The following ZNF462 variants were observed in gnomAD, a reference collection of about 807,000 sequenced individuals.
ZNF462 encodes the protein zinc finger protein 462.
In ZNF462, 10 loss-of-function variants were observed where a neutral mutation model predicts 201.9. The observed-to-expected ratio is 0.05, with a 90% CI of 0.03 to 0.08. The LOEUF is 0.08. ZNF462 is among the 10% of genes least tolerant of loss of function. The pLI, the probability that ZNF462 is intolerant of heterozygous loss-of-function variation, is 1.00. For synonymous variants in ZNF462, 1,227 were observed against 1,193.3 expected, an observed-to-expected ratio of 1.03 and a Z score of -0.58; for missense variants, 2,523 against 3,168.3, an observed-to-expected ratio of 0.80 and a Z score of 4.89.
chr9:106,863,384 G>GGGGTGGTCC, intron 1 of ZNF462, 29 bp downstream of exon 1: 2 of 394,284 alleles, frequency 5.1e-6, no homozygotes. Context: ...CAACCACCTC[G>GGGGTGGTCC]GGGTGGTCCG....
Position 106,927,467 on chromosome 9 carries a change from C to T in ZNF462, c.3555C>T (p.Gly1185=). The change falls in exon 3 of 13, where the codon GGC becomes GGT. Residue 1185 remains glycine (G), a synonymous_variant. Coordinates refer to ENST00000277225, the MANE Select transcript of ZNF462 (RefSeq NM_021224.6). Reference sequence around the variant, plus strand: ...ACCGAAGCAGCTCTGAGAGAGATGGCCCTCCTGTGGAGAATGAGATGTTCT... The same window carrying T: ...ACCGAAGCAGCTCTGAGAGAGATGGTCCTCCTGTGGAGAATGAGATGTTCT... ...QLNRSSSERD[G]PPVENEMFFC... is the part of the protein sequence containing the mutation. The T allele has an allele frequency of 1.2e-6, 2 of 1,613,860 alleles. No individual in the cohort carries two copies. The highest frequency in any genetic ancestry group is 1.7e-6 in the Non-Finnish European group (2 of 1,179,974).
chr9:106,917,738 C>T lies in ZNF462; in HGVS notation c.-30-5616C>T, dbSNP rs1176317142. Reference sequence around the variant, plus strand: ...AAACATTTGATAGGTCATTTGAAGACTACATGGTGAGCCAGAATCTGTAGT... The same window carrying T: ...AAACATTTGATAGGTCATTTGAAGATTACATGGTGAGCCAGAATCTGTAGT... On this transcript the variant is annotated intron_variant, in intron 1 of 12. Transcript: ENST00000277225. This position sits in a 1 kb window ranked among gnomAD's most constrained non-coding sequence, Gnocchi z 4.5. Among the ~76,000 whole-genome samples the T allele has an allele frequency of 2.0e-5, 3 of 152,110 alleles. No individual in the cohort carries two copies. The highest frequency in any genetic ancestry group is 2.9e-5 in the Non-Finnish European group (2 of 68,030).
intron 10 of ZNF462, among the ~76,000 whole-genome samples, chr9:106,991,096 A>G (rs1828240573): frequency 6.6e-6 from 1 of 152,020 alleles, no homozygotes. Flanking sequence ...AAGGCATGAG[A>G]ATTGGAAAGG....
At chr9:106,969,166 T>C (rs913779638) in intron 7 of ZNF462, among the ~76,000 whole-genome samples, 2 of 152,172 alleles carry the variant, frequency 1.3e-5, no homozygotes, top group African/African-American at 4.8e-5. Flanking sequence ...ATTACAAATG[T>C]GTCCTAAATG....
intron 7 of ZNF462, among the ~76,000 whole-genome samples, chr9:106,951,996 T>G (rs960786479): frequency 2.0e-5 from 3 of 152,212 alleles, no homozygotes; most frequent in African/African-American, 7.2e-5. Flanking sequence ...TAGTGAACAT[T>G]AGGGGCAAAT....
In ZNF462 at chr9:106,880,340, A is replaced by G. The variant is rs1389292575; in HGVS notation, c.-31+16985A>G. 6.6e-6 allele frequency among the ~76,000 whole-genome samples: 1 copy of G among 152,220 alleles called. No homozygotes were observed. The highest frequency in any genetic ancestry group is 2.4e-5 in the African/African-American group (1 of 41,450). ...ACAGACTGAACAGTTTGCCTGTGAG[A>G]ACTTAACAGTGCAGAAATGAATTCC... On this transcript the variant is annotated intron_variant, in intron 1 of 12. Transcript: ENST00000277225. This position sits in a 1 kb window ranked among gnomAD's most constrained non-coding sequence, Gnocchi z 4.1.
rs557131933 is a variant in ZNF462, at chr9:106,917,320, G to A, written c.-30-6034G>A. On this transcript the variant is annotated intron_variant, in intron 1 of 12. Transcript: ENST00000277225. This position sits in a 1 kb window ranked among gnomAD's most constrained non-coding sequence, Gnocchi z 4.5. ...ACTTGAAAACTTTATGCAGGAGAGC[G>A]ATCCTAAAATAAAAAGTAACCTGAA... 3.3e-4 allele frequency among the ~76,000 whole-genome samples: 50 copies of A among 152,256 alleles called. No homozygotes were observed. The highest frequency in any genetic ancestry group is 1.2e-3 in the African/African-American group (49 of 41,556).
In ZNF462 at chr9:106,926,697, T is replaced by C; in HGVS notation, c.2785T>C (p.Phe929Leu). Residue 929 changes from phenylalanine (F) to leucine (L), a missense_variant, in exon 3 of 13, where the codon TTT (phenylalanine) becomes CTT (leucine). Coordinates refer to ENST00000277225, the MANE Select transcript of ZNF462 (RefSeq NM_021224.6). This position sits in a 1 kb window ranked among gnomAD's most constrained non-coding sequence, Gnocchi z 7.9. ...DHSDLIYRCR[F>L]CSYTSPNVRS... ...CTCGGACCTGATCTACCGGTGTCGG[T>C]TTTGTTCATACACGAGCCCGAATGT... 1 of 1,613,700 alleles carries C rather than the reference T, an allele frequency of 6.2e-7. No individual in the cohort carries two copies. Among genetic ancestry groups the C allele is most frequent in the Non-Finnish European group, 8.5e-7 (1 of 1,179,952 alleles).
Position 106,972,929 on chromosome 9 carries a change from G to A in ZNF462, c.6695+657G>A, listed in dbSNP as rs963638616. Among the ~76,000 whole-genome samples the A allele has an allele frequency of 1.3e-5, 2 of 152,170 alleles. No individual in the cohort carries two copies. Among genetic ancestry groups the A allele is most frequent in the African/African-American group, 4.8e-5 (2 of 41,446 alleles). Reference sequence around the variant, plus strand: ...TTTGAATCTCATCCTGTGAGATAGCGTTTAGGTTAGTGGTTACAAGTGTAG... The same window carrying A: ...TTTGAATCTCATCCTGTGAGATAGCATTTAGGTTAGTGGTTACAAGTGTAG... On this transcript the variant is annotated intron_variant, in intron 8 of 12. Transcript: ENST00000277225. This position sits in a 1 kb window ranked among gnomAD's most constrained non-coding sequence, Gnocchi z 4.8.
intron 7 of ZNF462, among the ~76,000 whole-genome samples, chr9:106,944,641 T>G (rs1400669394): frequency 6.6e-6 from 1 of 152,200 alleles, no homozygotes; most frequent in Non-Finnish European, 1.5e-5. Context: ...TCTAGTTATC[T>G]TAAGATGCTG....
At chr9:106,973,959 A>T (rs1271712754) in intron 8 of ZNF462, among the ~76,000 whole-genome samples, 178 bp from the exon 9 acceptor site, 1 of 152,036 alleles carries the variant, frequency 6.6e-6, no homozygotes, top group Admixed American at 6.6e-5. Context: ...CAGTGTTCAG[A>T]TTCGGTTGAG....
chr9:106,861,013 T>A (rs1230692692), upstream of ZNF462, among the ~76,000 whole-genome samples: 4 of 151,958 alleles, frequency 2.6e-5, no homozygotes, highest in Non-Finnish European at 5.9e-5. Context: ...CTCGTCTCCT[T>A]ACTTCTCTTC....
chr9:106,928,579 C>T lies in ZNF462; in HGVS notation c.4667C>T (p.Ala1556Val), dbSNP rs1404749517. The T allele has an allele frequency of 8.7e-6, 14 of 1,613,962 alleles. No homozygotes were observed. The highest frequency in any genetic ancestry group is 1.2e-5 in the Non-Finnish European group (14 of 1,180,028). ...EDFVHDVEQSADISQNDVEET... is the reference protein window; with the variant it reads ...EDFVHDVEQSVDISQNDVEET... ...TTTGTGCACGACGTAGAGCAGTCTG[C>T]TGACATATCCCAGAATGACGTGGAG... The change falls in exon 3 of 13, where the codon GCT (alanine) becomes GTT (valine). Residue 1556 changes from alanine to valine, a missense_variant. Ala to Val is a moderately conservative substitution (Grantham distance 64, BLOSUM62 0). Transcript: ENST00000277225. This position sits in a 1 kb window ranked among gnomAD's most constrained non-coding sequence, Gnocchi z 9.3.
Position 106,963,405 on chromosome 9 carries a change from A to G in ZNF462, c.6428-8600A>G, listed in dbSNP as rs1011242428. On this transcript the variant is annotated intron_variant, in intron 7 of 12. Transcript: ENST00000277225. The surrounding 1 kb of genome is among the most constrained non-coding windows in gnomAD (Gnocchi z 4.7). The stretch of plus-strand genomic sequence containing the variant: ...GTTTAATCCAGGAAACATTTTCTTA[A>G]GTACCTTTCCAGGCACTTCTAAGCA... Among the ~76,000 whole-genome samples the G allele has an allele frequency of 6.6e-6, 1 of 152,082 alleles. No individual in the cohort carries two copies. The highest frequency in any genetic ancestry group is 1.9e-4 in the East Asian group (1 of 5,180).
At chr9:106,937,873 A>T (rs541411130) in intron 6 of ZNF462, among the ~76,000 whole-genome samples, 2 of 152,234 alleles carry the variant, frequency 1.3e-5, no homozygotes, top group East Asian at 3.9e-4. Context: ...AGCATAAATG[A>T]TGTATATTTC....
rs1830186097 is a variant in ZNF462 at position 106,926,190 on chromosome 9, A to T, written c.2278A>T (p.Ile760Leu). The change falls in exon 3 of 13, where the codon ATA (isoleucine) becomes TTA (leucine). Residue 760 changes from isoleucine to leucine, a missense_variant. By Grantham distance (5) the Ile-to-Leu change is conservative. Around this residue, in one of 15 missense-constraint regions of ZNF462, gnomAD observed 383 missense variants for 453.4 expected, o/e 0.84. Transcript: ENST00000277225. This position sits in a 1 kb window ranked among gnomAD's most constrained non-coding sequence, Gnocchi z 7.9. ...EVPTSFSAQQIWVRDTSEPQK... is the reference protein window; with the variant it reads ...EVPTSFSAQQLWVRDTSEPQK... Reference sequence around the variant, plus strand: ...TCCCACTTCCTTTTCTGCCCAACAGATATGGGTAAGAGATACCAGTGAGCC... The same window carrying T: ...TCCCACTTCCTTTTCTGCCCAACAGTTATGGGTAAGAGATACCAGTGAGCC... 2 of 1,614,224 alleles carry T rather than the reference A, an allele frequency of 1.2e-6. No homozygotes were observed. The highest frequency in any genetic ancestry group is 2.7e-5 in the African/African-American group (2 of 75,062).
intron 6 of ZNF462, among the ~76,000 whole-genome samples, chr9:106,937,407 C>T (rs1830677420): frequency 6.6e-6 from 1 of 152,110 alleles, no homozygotes; most frequent in Non-Finnish European, 1.5e-5. Flanking sequence ...AAAGAATGAT[C>T]TTCCAATACC....
intron 1 of ZNF462, among the ~76,000 whole-genome samples, chr9:106,899,245 G>A (rs866035865): frequency 7.1e-6 from 1 of 141,706 alleles, no homozygotes; most frequent in African/African-American, 2.6e-5. Flanking sequence ...TGTGTGGGGG[G>A]GGGGGGGTGT....
intron 1 of ZNF462, among the ~76,000 whole-genome samples, chr9:106,889,146 C>G (rs528684309): frequency 1.3e-5 from 2 of 152,302 alleles, no homozygotes; most frequent in South Asian, 2.1e-4. Flanking sequence ...GCAAATTGCA[C>G]ACACCTGGTT....
Sources: allele counts gnomAD v4.1 joint callset (sites outside exome capture counted in the v4.1 genomes callset), GRCh38; gene constraint gnomAD v4.1.1; regional missense constraint gnomAD v4.1.1; non-coding constraint Gnocchi (gnomAD v3.1); transcripts MANE v1.5; gene names NCBI Gene and HGNC (gene_info 2026-07-23, HGNC 2026-07-21).